Variants in PTPRR observed in about 807,000 individuals in gnomAD.
PTPRR encodes the protein protein tyrosine phosphatase receptor type R.
In PTPRR, 38 loss-of-function variants were observed where a neutral mutation model predicts 77.2. The ratio of observed to expected loss-of-function variants is 0.49; its 90% CI spans 0.38 to 0.65. The LOEUF (loss-of-function observed/expected upper bound fraction) is 0.65, where lower values mean the gene tolerates loss of function less well. Ranked by LOEUF, PTPRR falls within the 30% of genes least tolerant of loss-of-function variation. The pLI, the probability that PTPRR is intolerant of heterozygous loss-of-function variation, is 0.00. For synonymous variants in PTPRR, 299 were observed against 283.1 expected (o/e 1.06, Z -0.57); for missense variants, 744 against 799.2 (o/e 0.93, Z 0.83).
intron 13 of PTPRR, among the ~76,000 whole-genome samples, chr12:70,650,424 T>C (rs1465591631): frequency 2.0e-5 from 3 of 151,000 alleles, no homozygotes; most frequent in African/African-American, 7.4e-5. Context: ...AGAAATTCCA[T>C]CTCAAAAAAA....
intron 2 of PTPRR, among the ~76,000 whole-genome samples, chr12:70,785,726 T>C (rs577128954): frequency 1.3e-5 from 2 of 152,274 alleles, no homozygotes; most frequent in South Asian, 4.1e-4. Flanking sequence ...GGTCTATGGA[T>C]GAAATAGAAG....
At chr12:70,750,304 C>T (rs778445249) in intron 5 of PTPRR, among the ~76,000 whole-genome samples, 17 of 152,246 alleles carry the variant, frequency 1.1e-4, no homozygotes, top group South Asian at 6.2e-4. Flanking sequence ...TTCATTTCTA[C>T]GGCATGTAGG....
chr12:70,664,838 T>C (rs759650389), intron 10 of PTPRR, among the ~76,000 whole-genome samples: 3 of 152,222 alleles, frequency 2.0e-5, no homozygotes, highest in Admixed American at 6.5e-5. Flanking sequence ...AGCTTATTTT[T>C]ACACACTGAA....
chr12:70,733,673 T>C (rs1317111279), intron 6 of PTPRR, among the ~76,000 whole-genome samples: 2 of 152,112 alleles, frequency 1.3e-5, no homozygotes, highest in Non-Finnish European at 2.9e-5. Flanking sequence ...TCATGCTGCA[T>C]TGCTAAATGG....
At position 70,830,433 on chromosome 12, in the gene PTPRR, G is replaced by T. The variant is rs149809703; in HGVS notation, c.357+62246C>A. On this transcript the variant is annotated intron_variant, in intron 2 of 13. Transcript: ENST00000283228. Reference sequence around the variant, plus strand: ...TAAATACATAAAAGGCAGGGCAAAGGAGTATGGTTAGCTGTGCCTTGGCTG... The same window carrying T: ...TAAATACATAAAAGGCAGGGCAAAGTAGTATGGTTAGCTGTGCCTTGGCTG... Among the ~76,000 whole-genome samples, 864 of 152,286 alleles carry T rather than the reference G, an allele frequency of 5.7e-3. 4 individuals are homozygous for T. Among genetic ancestry groups the T allele is most frequent in the South Asian group, 0.024 (114 of 4,814 alleles).
chr12:70,909,091 C>A (rs1893664419), intron 1 of PTPRR, among the ~76,000 whole-genome samples: 1 of 152,076 alleles, frequency 6.6e-6, no homozygotes, highest in South Asian at 2.1e-4. Context: ...GAGGGAGGAC[C>A]TGAGGGGCGC....
At chr12:70,853,924 A>G (rs955739792) in intron 2 of PTPRR, among the ~76,000 whole-genome samples, 2 of 152,250 alleles carry the variant, frequency 1.3e-5, no homozygotes, top group African/African-American at 2.4e-5. Context: ...TGGGACATAC[A>G]GAAAAGGTCG....
intron 5 of PTPRR, among the ~76,000 whole-genome samples, chr12:70,749,750 CTA>C (rs1438225540): frequency 2.0e-5 from 3 of 152,202 alleles, no homozygotes; most frequent in Non-Finnish European, 4.4e-5. Flanking sequence ...GATGACTCTC[CTA>C]TGGGTCTAAC....
At chr12:70,682,755 T>G (rs1187846417) in intron 10 of PTPRR, among the ~76,000 whole-genome samples, 1 of 152,214 alleles carries the variant, frequency 6.6e-6, no homozygotes, top group African/African-American at 2.4e-5. Flanking sequence ...TGTCAGTGGC[T>G]TAATATGTTG....
chr12:70,746,776 C>T (rs532740529), intron 5 of PTPRR, among the ~76,000 whole-genome samples: 19 of 151,876 alleles, frequency 1.3e-4, no homozygotes, highest in African/African-American at 2.2e-4. Context: ...ACTGTAACCT[C>T]GAGCTCTCCT....
At chr12:70,859,136 C>T (rs12302875) in intron 2 of PTPRR, among the ~76,000 whole-genome samples, 22,676 of 151,754 alleles carry the variant, frequency 0.15, 2,487 homozygotes, top group African/African-American at 0.31. Context: ...TATTAGCCTT[C>T]GTGAATTCTT....
At chr12:70,818,466 CAG>C (rs765181623) in intron 2 of PTPRR, among the ~76,000 whole-genome samples, 7 of 152,162 alleles carry the variant, frequency 4.6e-5, no homozygotes, top group Non-Finnish European at 1.0e-4. Flanking sequence ...TCACACTTTT[CAG>C]AGAGCTTGAA....
intron 2 of PTPRR, among the ~76,000 whole-genome samples, chr12:70,832,857 G>A (rs1200503972): frequency 6.6e-6 from 1 of 152,162 alleles, no homozygotes; most frequent in Non-Finnish European, 1.5e-5. Context: ...CTCATGGTGG[G>A]AGGTGAAGGG....
chr12:70,899,760 A>G (rs535155383), intron 1 of PTPRR, among the ~76,000 whole-genome samples: 1 of 151,520 alleles, frequency 6.6e-6, no homozygotes, highest in East Asian at 1.9e-4. Flanking sequence ...TTCTATTTGC[A>G]GATGACATGA....
At chr12:70,853,728 C>A (rs1248638822) in intron 2 of PTPRR, among the ~76,000 whole-genome samples, 3 of 152,188 alleles carry the variant, frequency 2.0e-5, no homozygotes, top group Admixed American at 6.5e-5. Flanking sequence ...AGCTCTAGGG[C>A]CCCAAGCTTT....
chr12:70,757,225 A>G (rs756199375), intron 4 of PTPRR, among the ~76,000 whole-genome samples: 1 of 152,134 alleles, frequency 6.6e-6, no homozygotes, highest in Non-Finnish European at 1.5e-5. Context: ...TAAATATTTC[A>G]TGAAGGTATC....
At chr12:70,874,333 A>AG (rs1021643368) in intron 2 of PTPRR, among the ~76,000 whole-genome samples, 7 of 152,196 alleles carry the variant, frequency 4.6e-5, no homozygotes, top group South Asian at 2.1e-4. Flanking sequence ...CACTGGAGTC[A>AG]GGCACAGGTG....
chr12:70,670,551 G>T (rs993994500), intron 10 of PTPRR, among the ~76,000 whole-genome samples: 1 of 152,166 alleles, frequency 6.6e-6, no homozygotes, highest in African/African-American at 2.4e-5. Context: ...ATCAATAAAT[G>T]GTAGTGGCTA....
At chr12:70,917,572 T>A (rs1893793710) in intron 1 of PTPRR, among the ~76,000 whole-genome samples, 1 of 152,154 alleles carries the variant, frequency 6.6e-6, no homozygotes, top group African/African-American at 2.4e-5. Context: ...TAGTGTTAAT[T>A]TACCCAGAGA....
Sources: allele counts gnomAD v4.1 joint callset (sites outside exome capture counted in the v4.1 genomes callset), GRCh38; gene constraint gnomAD v4.1.1; transcripts MANE v1.5; gene names NCBI Gene and HGNC (gene_info 2026-07-23, HGNC 2026-07-21).